Variants in DAB1 observed in about 807,000 individuals in gnomAD.
DAB1 encodes the protein DAB adaptor protein 1.
DAB1 carries 15 observed loss-of-function variants against 64.6 expected under a neutral mutation model. That is an observed-to-expected ratio of 0.23 (90% CI 0.16 to 0.36). The LOEUF is 0.36. Among genes scored for constraint, DAB1 ranks in the 10% least tolerant of loss-of-function variants. The pLI, the probability that DAB1 is intolerant of heterozygous loss-of-function variation, is 1.00. For synonymous variants in DAB1, 235 were observed against 251.9 expected (o/e 0.93, Z 0.64); for missense variants, 596 against 706.7 (o/e 0.84, Z 1.78).
At chr1:58,111,778 C>A (rs1011485111) in intron 5 of DAB1, among the ~76,000 whole-genome samples, 1 of 152,038 alleles carries the variant, frequency 6.6e-6, no homozygotes, top group Non-Finnish European at 1.5e-5. Context: ...CTATCAATAT[C>A]ATTCTCTCTC....
intron 3 of DAB1, among the ~76,000 whole-genome samples, chr1:58,479,370 A>C (rs1431597293): frequency 1.3e-5 from 2 of 152,226 alleles, no homozygotes; most frequent in Admixed American, 1.3e-4. Flanking sequence ...CAGATCAGGA[A>C]ATTCCTTACA....
chr1:57,641,887 C>G (rs12080500), intron 7 of DAB1, among the ~76,000 whole-genome samples: 1 of 152,094 alleles, frequency 6.6e-6, no homozygotes, highest in Non-Finnish European at 1.5e-5. Context: ...TTACAGGCTC[C>G]GAGATTTAGG....
intron 12 of DAB1, among the ~76,000 whole-genome samples, chr1:57,012,675 T>A (rs1453044598): frequency 6.6e-6 from 1 of 152,248 alleles, no homozygotes; most frequent in Non-Finnish European, 1.5e-5. Context: ...ATCTGTTTTG[T>A]TTCAGGAGAT....
rs528768596 is a variant in DAB1 at position 57,894,723 on chromosome 1, G to C, written n.388-10561C>G. On this transcript the variant is annotated intron_variant and non_coding_transcript_variant, in intron 5 of 20. Transcript: ENST00000485760. Reference sequence around the variant, plus strand: ...AAAAGATCACCCTGGCTGCCCTGTGGAGAAAGGTTTGTAAGGGGCAACAGC... The same window carrying C: ...AAAAGATCACCCTGGCTGCCCTGTGCAGAAAGGTTTGTAAGGGGCAACAGC... Among the ~76,000 whole-genome samples, 6 of 152,254 alleles carry C rather than the reference G, an allele frequency of 3.9e-5. No individual in the cohort carries two copies. In the South Asian group the frequency reaches 1.2e-3, roughly 32 times the overall value.
chr1:57,046,291 G>A (rs962248078), intron 9 of DAB1, among the ~76,000 whole-genome samples: 3 of 152,176 alleles, frequency 2.0e-5, no homozygotes, highest in African/African-American at 7.2e-5. Context: ...CTGGCCCCTA[G>A]TAAGCGCTCA....
intron 1 of DAB1, among the ~76,000 whole-genome samples, chr1:57,833,740 C>T (rs1320675157): frequency 6.6e-6 from 1 of 151,952 alleles, no homozygotes; most frequent in Non-Finnish European, 1.5e-5. Flanking sequence ...TCTAGCCTAC[C>T]CTAACTGCAT....
intron 1 of DAB1, among the ~76,000 whole-genome samples, chr1:57,351,436 C>G (rs2100861629): frequency 6.6e-6 from 1 of 152,112 alleles, no homozygotes; most frequent in East Asian, 1.9e-4. Flanking sequence ...ATCAAGGAAA[C>G]AAAGGAGGGG....
chr1:58,230,863 A>G (rs1167027455), intron 4 of DAB1, among the ~76,000 whole-genome samples: 1 of 152,208 alleles, frequency 6.6e-6, no homozygotes, highest in Admixed American at 6.5e-5. Flanking sequence ...CAAGGTAGGA[A>G]TTACAGCACC....
chr1:57,194,456 A>T (rs1664449981), intron 2 of DAB1, among the ~76,000 whole-genome samples: 1 of 152,208 alleles, frequency 6.6e-6, no homozygotes, highest in Admixed American at 6.5e-5. Flanking sequence ...CTTCAAAGAC[A>T]GTGATAAAAT....
chr1:57,711,523 G>A lies in DAB1; in HGVS notation n.552-61858C>T, dbSNP rs142396549. Among the ~76,000 whole-genome samples, 1,358 of 152,314 alleles carry A rather than the reference G, an allele frequency of 8.9e-3. 19 individuals carry two copies. The highest frequency in any genetic ancestry group is 0.03 in the African/African-American group (1,251 of 41,572). On this transcript the variant is annotated intron_variant and non_coding_transcript_variant, in intron 6 of 20. Coordinates refer to the DAB1 transcript ENST00000485760. ...ACTGCTGCTTTGCAGCTGTCTGCCT[G>A]TACTCACGGGTGCCTGTCAAGGCTT...
At chr1:57,536,962 T>C (rs183156157) in intron 7 of DAB1, among the ~76,000 whole-genome samples, 81 of 152,304 alleles carry the variant, frequency 5.3e-4, no homozygotes, top group African/African-American at 1.9e-3. Flanking sequence ...GCCCTGCCCT[T>C]GGCAAGTGGG....
At chr1:58,130,478 A>G (rs959140440) in intron 5 of DAB1, among the ~76,000 whole-genome samples, 9 of 152,026 alleles carry the variant, frequency 5.9e-5, no homozygotes, top group African/African-American at 1.9e-4. Context: ...ATATTGTTAT[A>G]TGTGAATTTG....
intron 4 of DAB1, among the ~76,000 whole-genome samples, chr1:57,085,114 C>T (rs1432973366): frequency 6.6e-6 from 1 of 152,188 alleles, no homozygotes; most frequent in Non-Finnish European, 1.5e-5. Flanking sequence ...TCAGTTCTAC[C>T]ATTTGCCTGT....
intron 7 of DAB1, among the ~76,000 whole-genome samples, chr1:57,640,571 CA>C (rs1253357861): frequency 2.6e-5 from 4 of 152,168 alleles, no homozygotes; most frequent in African/African-American, 9.7e-5. Context: ...CTATCCACTT[CA>C]AAAAGCTTAT....
At chr1:57,556,863 A>G (rs535919041) in intron 7 of DAB1, among the ~76,000 whole-genome samples, 40 of 152,306 alleles carry the variant, frequency 2.6e-4, no homozygotes, top group African/African-American at 8.7e-4. Flanking sequence ...GCCAATGTCT[A>G]GAAGGGTTTT....
chr1:58,040,141 C>T (rs1289087822), intron 5 of DAB1, among the ~76,000 whole-genome samples: 1 of 152,104 alleles, frequency 6.6e-6, no homozygotes, highest in African/African-American at 2.4e-5. Context: ...ACTTCACATG[C>T]TACATGTTAA....
Position 58,128,492 on chromosome 1 carries a change from T to C in DAB1, n.387+22019A>G, listed in dbSNP as rs1230067373. ...GCCCTGGCCAGAACGTCCAACACTA[T>C]GTTGAATAGGAGTGGTGAGAGAGGG... On this transcript the variant is annotated intron_variant and non_coding_transcript_variant, in intron 5 of 20. Transcript: ENST00000485760. Among the ~76,000 whole-genome samples the C allele has an allele frequency of 6.2e-4, 82 of 132,740 alleles. 10 individuals are homozygous for C. Among genetic ancestry groups the C allele is most frequent in the Non-Finnish European group, 1.1e-3 (69 of 63,676 alleles). The allele number at this position is 132,740 out of a possible 152,430, so 87.1% of individuals were successfully genotyped here. A position where few individuals can be genotyped will look rare whatever the true frequency, so the allele number is the denominator to read the frequency against.
intron 2 of DAB1, among the ~76,000 whole-genome samples, chr1:57,229,256 T>C (rs940280689): frequency 1.3e-5 from 2 of 151,582 alleles, no homozygotes; most frequent in African/African-American, 2.4e-5. Flanking sequence ...TGCAATGATA[T>C]GATCGTGGCT....
intron 5 of DAB1, among the ~76,000 whole-genome samples, chr1:57,929,354 A>T (rs1234296912): frequency 6.6e-6 from 1 of 152,190 alleles, no homozygotes; most frequent in Non-Finnish European, 1.5e-5. Context: ...TATGTTCATA[A>T]ATGGATATTT....
Sources: gnomAD v4.1 joint callset for allele counts (sites outside exome capture counted in the v4.1 genomes callset) on GRCh38, gnomAD v4.1.1 for gene constraint, MANE v1.5 for transcripts, NCBI Gene and HGNC (gene_info 2026-07-23, HGNC 2026-07-21) for gene names.